The following ROBO2 variants were observed in gnomAD, a reference collection of about 807,000 sequenced individuals.
ROBO2 encodes the protein roundabout guidance receptor 2.
In ROBO2, 53 loss-of-function variants were observed where a neutral mutation model predicts 160.8. The ratio of observed to expected loss-of-function variants is 0.33; its 90% CI spans 0.26 to 0.41. The LOEUF is 0.41. Ranked by LOEUF, ROBO2 falls within the 10% of genes least tolerant of loss-of-function variation. The probability of loss-of-function intolerance (pLI) is 1.00; values close to 1 mark genes in which losing one functional copy is unlikely to be tolerated. For synonymous variants in ROBO2, 664 were observed against 611.7 expected (o/e 1.09, Z -1.26); for missense variants, 1,577 against 1,722.4 (o/e 0.92, Z 1.49).
chr3:76,616,177 C>G (rs1337120586), intron 2 of ROBO2, among the ~76,000 whole-genome samples: 2 of 152,202 alleles, frequency 1.3e-5, no homozygotes, highest in African/African-American at 4.8e-5. Context: ...AACTGATACT[C>G]TAATGTATTT....
chr3:76,173,187 TTG>T (rs2073106530), intron 2 of ROBO2, among the ~76,000 whole-genome samples: 1 of 151,738 alleles, frequency 6.6e-6, no homozygotes, highest in Non-Finnish European at 1.5e-5. Flanking sequence ...TCATAAGCTG[TTG>T]TAAGGATTTA....
chr3:76,697,200 G>T (rs530383988), intron 2 of ROBO2, among the ~76,000 whole-genome samples: 10 of 152,252 alleles, frequency 6.6e-5, no homozygotes, highest in African/African-American at 1.9e-4. Context: ...ATGGAAGAGA[G>T]TTATTAACAT....
At chr3:76,272,716 T>TA (rs1254846297) in intron 2 of ROBO2, among the ~76,000 whole-genome samples, 1 of 99,948 alleles carries the variant, frequency 1.0e-5, no homozygotes, top group Non-Finnish European at 2.0e-5. Context: ...AAAATATATA[T>TA]TATATACACA....
chr3:76,445,851 A>G (rs2077155515), intron 2 of ROBO2, among the ~76,000 whole-genome samples: 1 of 152,202 alleles, frequency 6.6e-6, no homozygotes, highest in South Asian at 2.1e-4. Flanking sequence ...CCCTCATGCT[A>G]AAAACTCTCA....
At chr3:76,210,458 A>AT (rs1178135273) in intron 2 of ROBO2, among the ~76,000 whole-genome samples, 2 of 152,106 alleles carry the variant, frequency 1.3e-5, no homozygotes, top group African/African-American at 4.8e-5. Flanking sequence ...AAACTTTAGG[A>AT]TATAATGGCT....
chr3:77,637,405 C>T (rs1247903185), intron 24 of ROBO2, among the ~76,000 whole-genome samples: 6 of 152,160 alleles, frequency 3.9e-5, no homozygotes, highest in African/African-American at 1.2e-4. Context: ...ATATATTGTT[C>T]TACATACTTT....
chr3:77,200,017 G>GT (rs1560217261), intron 2 of ROBO2, among the ~76,000 whole-genome samples: 1 of 151,050 alleles, frequency 6.6e-6, no homozygotes, highest in African/African-American at 2.4e-5. Context: ...CATGCAACAA[G>GT]TAAGTGAATA....
chr3:77,416,790 A>T (rs544253539), intron 2 of ROBO2, among the ~76,000 whole-genome samples: 12 of 152,140 alleles, frequency 7.9e-5, no homozygotes, highest in African/African-American at 2.6e-4. Flanking sequence ...ATAAATGTTG[A>T]AAGGAGGGAG....
chr3:76,987,831 C>T (rs774009515), intron 2 of ROBO2, among the ~76,000 whole-genome samples: 14 of 151,912 alleles, frequency 9.2e-5, no homozygotes, highest in South Asian at 2.1e-4. Context: ...ATTTTGTTTA[C>T]GAGAATTTTT....
intron 2 of ROBO2, among the ~76,000 whole-genome samples, chr3:76,213,012 C>A (rs1281223788): frequency 6.6e-6 from 1 of 152,158 alleles, no homozygotes; most frequent in Admixed American, 6.5e-5. Context: ...AACACTATCT[C>A]TTTAGCCACA....
intron 2 of ROBO2, among the ~76,000 whole-genome samples, chr3:76,084,943 A>G (rs1190127945): frequency 4.6e-5 from 7 of 152,176 alleles, no homozygotes; most frequent in African/African-American, 1.7e-4. Context: ...TGTCTGAATT[A>G]GTACCCAACT....
At chr3:76,226,946 T>A (rs190834458) in intron 2 of ROBO2, among the ~76,000 whole-genome samples, 1 of 152,322 alleles carries the variant, frequency 6.6e-6, no homozygotes, top group African/African-American at 2.4e-5. Context: ...GAGGCCTCAC[T>A]GTGCATGTCA....
intron 2 of ROBO2, among the ~76,000 whole-genome samples, chr3:77,173,339 G>C (rs538094159): frequency 1.3e-5 from 2 of 151,810 alleles, no homozygotes; most frequent in South Asian, 2.1e-4. Flanking sequence ...TCTTTCCCAG[G>C]AGTGCTCTCA....
intron 2 of ROBO2, among the ~76,000 whole-genome samples, chr3:76,104,217 T>C (rs964700489): frequency 2.6e-5 from 4 of 152,210 alleles, no homozygotes; most frequent in Non-Finnish European, 5.9e-5. Context: ...CATACAGTGA[T>C]TTAAACCTTT....
chr3:77,012,009 G>A (rs1007916961), intron 2 of ROBO2, among the ~76,000 whole-genome samples: 1 of 152,010 alleles, frequency 6.6e-6, no homozygotes, highest in Non-Finnish European at 1.5e-5. Context: ...AAATGAATAT[G>A]TATATGTTCA....
chr3:76,314,769 A>G (rs1314756700), intron 2 of ROBO2, among the ~76,000 whole-genome samples: 3 of 152,124 alleles, frequency 2.0e-5, no homozygotes, highest in Non-Finnish European at 4.4e-5. Flanking sequence ...GTGTTAATCA[A>G]CAGTTTATGT....
chr3:76,824,316 G>T (rs73123355), intron 2 of ROBO2, among the ~76,000 whole-genome samples: 1 of 152,060 alleles, frequency 6.6e-6, no homozygotes, highest in African/African-American at 2.4e-5. Flanking sequence ...GTTACTACCT[G>T]GAACTACTGA....
intron 2 of ROBO2, among the ~76,000 whole-genome samples, chr3:76,967,759 G>C (rs1231777100): frequency 6.6e-6 from 1 of 151,926 alleles, no homozygotes; most frequent in Non-Finnish European, 1.5e-5. Flanking sequence ...TGCCCAGGCT[G>C]GTCTTGCACT....
intron 4 of ROBO2, 150 bp from the exon 5 acceptor site, chr3:77,493,094 C>A: frequency 1.4e-6 from 1 of 730,130 alleles, no homozygotes; most frequent in Non-Finnish European, 2.4e-6. Context: ...ACATTGGATT[C>A]ACAAGGCCTT....
Sources: allele counts gnomAD v4.1 joint callset (sites outside exome capture counted in the v4.1 genomes callset), GRCh38; gene constraint gnomAD v4.1.1; transcripts MANE v1.5; gene names NCBI Gene and HGNC (gene_info 2026-07-23, HGNC 2026-07-21).